NDC80: variants seen among roughly 807,000 people sequenced by gnomAD.
NDC80 encodes the protein NDC80 kinetochore complex component.
Under a neutral mutation model 89.3 loss-of-function variants are expected in NDC80, and 69 were observed. That is an observed-to-expected ratio of 0.77 (90% CI 0.64 to 0.94). NDC80 has a LOEUF of 0.94. Ranked by LOEUF, NDC80 falls within the 40% of genes least tolerant of loss-of-function variation. NDC80 has a pLI of 0.00. For synonymous variants in NDC80, 243 were observed against 255.6 expected, an observed-to-expected ratio of 0.95 and a Z score of 0.47; for missense variants, 593 against 739.6, an observed-to-expected ratio of 0.80 and a Z score of 2.30.
intron 10 of NDC80, 145 bp downstream of exon 10, chr18:2,590,307 T>G: frequency 1.3e-6 from 1 of 796,144 alleles, no homozygotes; most frequent in Non-Finnish European, 1.9e-6. Context: ...GTTTCGTATT[T>G]GTTTCCTAAG....
Position 2,616,436 on chromosome 18 carries a change from G to C in NDC80, c.1792-1G>C. 1 of 1,472,372 alleles carries C rather than the reference G, an allele frequency of 6.8e-7. No homozygotes were observed. Among genetic ancestry groups the C allele is most frequent in the Non-Finnish European group, 9.1e-7 (1 of 1,099,382 alleles). The allele number at this position is 1,472,372 out of a possible 1,614,324, so 91.2% of individuals were successfully genotyped here. Reference sequence around the variant, plus strand: ...TAACAATTGTTAATTCTCTTCACTAGAAACATCTTGAGGAGCAGATTGCTA... The same window carrying C: ...TAACAATTGTTAATTCTCTTCACTACAAACATCTTGAGGAGCAGATTGCTA... On this transcript the variant is annotated splice_acceptor_variant, in intron 16 of 16. Coordinates refer to ENST00000261597, the MANE Select transcript of NDC80 (RefSeq NM_006101.3). LOFTEE classifies it high-confidence loss of function.
intron 11 of NDC80, 98 bp from the exon 12 acceptor site, chr18:2,598,921 G>A (rs1268640340): frequency 8.5e-7 from 1 of 1,169,818 alleles, no homozygotes; most frequent in African/African-American, 1.6e-5. Context: ...ACTAAAAATA[G>A]GTGTGATATG....
At chr18:2,573,129 C>A in intron 2 of NDC80, 43 bp downstream of exon 2, 2 of 1,451,092 alleles carry the variant, frequency 1.4e-6, no homozygotes, top group Non-Finnish European at 1.9e-6. Flanking sequence ...GCTTTATCAT[C>A]TTAGGCAAAG....
chr18:2,607,592 C>T (rs879007998), intron 14 of NDC80, among the ~76,000 whole-genome samples: 2 of 151,986 alleles, frequency 1.3e-5, no homozygotes, highest in Admixed American at 1.3e-4. Context: ...GACCTTGGCG[C>T]CCTAAAAACT....
intron 10 of NDC80, among the ~76,000 whole-genome samples, chr18:2,593,057 T>TGTGTGTGTGTGTC (rs1491312738): frequency 5.8e-5 from 4 of 69,330 alleles, no homozygotes; most frequent in African/African-American, 2.8e-4. Context: ...TGTGTGTGTC[T>TGTGTGTGTGTGTC]TTTTTTTTTT....
intron 12 of NDC80, among the ~76,000 whole-genome samples, chr18:2,600,711 C>T (rs1191873398): frequency 6.6e-6 from 1 of 151,934 alleles, no homozygotes; most frequent in Non-Finnish European, 1.5e-5. Flanking sequence ...CTACTTAAAA[C>T]ATAATGGCAT....
At chr18:2,599,305 C>A in intron 12 of NDC80, 134 bp downstream of exon 12, 4 of 663,158 alleles carry the variant, frequency 6.0e-6, no homozygotes, top group Non-Finnish European at 9.0e-6. Context: ...TCTTTCTTCT[C>A]GGTCATAGAA....
At position 2,598,730 on chromosome 18, in the gene NDC80, A is replaced by G. The variant is rs184458232; in HGVS notation, c.1222-289A>G. On this transcript the variant is annotated intron_variant, in intron 11 of 16. Transcript: ENST00000261597. ...TCTGGCACTTCAAAAAGTAAATTTT[A>G]GTTAATATCTAAATATGGACTCTTA... Among the ~76,000 whole-genome samples, 563 of 152,312 alleles carry G rather than the reference A, an allele frequency of 3.7e-3. 15 individuals are homozygous for G. Among genetic ancestry groups the G allele is most frequent in the Admixed American group, 0.028 (428 of 15,290 alleles).
chr18:2,575,989 C>T (rs1352510967), intron 3 of NDC80, among the ~76,000 whole-genome samples: 2 of 148,682 alleles, frequency 1.3e-5, no homozygotes, highest in African/African-American at 4.8e-5. Flanking sequence ...ATCCTAGCTA[C>T]TCAAGAGGCT....
chr18:2,574,989 CA>C lies in NDC80; in HGVS notation c.105del (p.Glu36ArgfsTer8), dbSNP rs750067073. 1 of 1,591,168 alleles carries C rather than the reference CA, an allele frequency of 6.3e-7. No homozygotes were observed. Among genetic ancestry groups the C allele is most frequent in the Non-Finnish European group, 8.6e-7 (1 of 1,167,682 alleles). Reference protein sequence around the residue: ...NKQGLYTPQTKEKPTFGKLSI... With the variant: ...NKQGLYTPQTXEKPTFGKLSI... ...GAGTTGTTTTCTATTTTTCTTAAAG[CA>C]AAGAGAAACCAACCTTTGGAAAGTT... is the stretch of plus-strand genomic sequence containing the variant. On this transcript the variant is annotated frameshift_variant and splice_region_variant, in exon 3 of 17. Transcript: ENST00000261597. LOFTEE classifies it high-confidence loss of function.
chr18:2,578,443 T>C (rs1370844232), intron 5 of NDC80, among the ~76,000 whole-genome samples: 1 of 152,036 alleles, frequency 6.6e-6, no homozygotes, highest in African/African-American at 2.4e-5. Context: ...CGTAGATTAT[T>C]ACAGAGCAAC....
intron 11 of NDC80, among the ~76,000 whole-genome samples, chr18:2,597,107 A>G (rs2072660851): frequency 6.6e-6 from 1 of 152,170 alleles, no homozygotes; most frequent in South Asian, 2.1e-4. Flanking sequence ...GCACACCAGC[A>G]TGGCACATGT....
intron 15 of NDC80, among the ~76,000 whole-genome samples, chr18:2,609,057 A>G (rs994475020): frequency 3.9e-5 from 6 of 152,162 alleles, no homozygotes; most frequent in Non-Finnish European, 8.8e-5. Flanking sequence ...GAAATCATTA[A>G]TCGTTAGATC....
intron 2 of NDC80, among the ~76,000 whole-genome samples, chr18:2,573,996 G>T (rs1046763906): frequency 6.6e-6 from 1 of 152,152 alleles, no homozygotes; most frequent in Middle Eastern, 3.4e-3. Context: ...TGTAGATAGG[G>T]TTTTTGTTCT....
intron 10 of NDC80, 113 bp downstream of exon 10, chr18:2,590,275 C>T: frequency 9.1e-6 from 10 of 1,103,294 alleles, no homozygotes; most frequent in Non-Finnish European, 1.2e-5. Flanking sequence ...ATGCTTAGAG[C>T]AGGCTACCAA....
intron 3 of NDC80, among the ~76,000 whole-genome samples, chr18:2,576,157 C>T (rs913526125): frequency 1.3e-5 from 2 of 152,084 alleles, no homozygotes; most frequent in African/African-American, 2.4e-5. Flanking sequence ...GTCATTTTTA[C>T]AGTCTAAAAG....
intron 6 of NDC80, among the ~76,000 whole-genome samples, chr18:2,583,387 A>T (rs562382760): frequency 6.6e-6 from 1 of 152,166 alleles, no homozygotes; most frequent in African/African-American, 2.4e-5. Flanking sequence ...TCTGCCCTAC[A>T]TGTCTTTCAG....
chr18:2,587,944 G>A (rs1357846662), intron 8 of NDC80, 21 bp downstream of exon 8: 1 of 1,603,188 alleles, frequency 6.2e-7, no homozygotes. Context: ...TCGTTCTTAG[G>A]GTGCTTGCTT....
At chr18:2,579,766 G>T (rs775593534) in intron 6 of NDC80, among the ~76,000 whole-genome samples, 13 of 152,110 alleles carry the variant, frequency 8.5e-5, no homozygotes, top group Admixed American at 2.0e-4. Context: ...GCTGTGCAAA[G>T]TACTATATGT....
Sources: allele counts gnomAD v4.1 joint callset (sites outside exome capture counted in the v4.1 genomes callset), GRCh38; gene constraint gnomAD v4.1.1; transcripts MANE v1.5; gene names NCBI Gene and HGNC (gene_info 2026-07-23, HGNC 2026-07-21).